Variants in MED12L observed in about 807,000 individuals in gnomAD.
MED12L encodes the protein mediator of RNA polymerase II transcription subunit 12-like protein.
A neutral mutation model predicts 281.3 loss-of-function variants in MED12L; 60 were observed. The observed-to-expected ratio is 0.21, with a 90% CI of 0.17 to 0.26. MED12L has a LOEUF of 0.26. Among genes scored for constraint, MED12L ranks in the 10% least tolerant of loss-of-function variants. The probability of loss-of-function intolerance (pLI) is 1.00; values close to 1 mark genes in which losing one functional copy is unlikely to be tolerated. For missense variants in MED12L, 2,146 were observed against 2,680.9 expected (o/e 0.80, Z 4.41); for synonymous variants, 974 against 987.2 (o/e 0.99, Z 0.25).
At chr3:151,336,694 T>TGAAATGA (rs147393729) in intron 16 of MED12L, 12,814 of 351,442 alleles carry the variant, frequency 0.036, 1,524 homozygotes, top group African/African-American at 0.25. Context: ...TTGAACTTAT[T>TGAAATGA]GAAATGAGAA....
At position 151,376,213 on chromosome 3, in the gene MED12L, A is replaced by G. The variant is rs1756832255; in HGVS notation, c.4052A>G (p.Gln1351Arg). The change falls in exon 28 of 45, where the codon CAG becomes CGG. Residue 1351 changes from glutamine to arginine, a missense_variant and splice_region_variant. By Grantham distance (43) the Gln-to-Arg change is conservative. Transcript: ENST00000687756. The part of the protein sequence containing the change: ...LQRQHIKRIL[Q>R]NLEQWTLRQS... ...AGACAGCACATTAAGCGTATTCTTC[A>G]GGTCAGTCGTATACAGATTGTGTTT... The G allele has an allele frequency of 6.4e-7, 1 of 1,570,362 alleles. No homozygotes were observed.
chr3:151,410,458 C>G (rs539422860), intron 40 of MED12L, among the ~76,000 whole-genome samples: 1 of 152,288 alleles, frequency 6.6e-6, no homozygotes, highest in South Asian at 2.1e-4. Context: ...CTCTGTCTTC[C>G]AAGTCAGAGG....
chr3:151,376,288 T>A, intron 28 of MED12L, 74 bp downstream of exon 28: 1 of 1,164,884 alleles, frequency 8.6e-7, no homozygotes, highest in Admixed American at 3.0e-5. Context: ...ACTTCCTCTC[T>A]TTTTTTGTCC....
intron 16 of MED12L, among the ~76,000 whole-genome samples, chr3:151,227,204 T>G (rs1730691166): frequency 6.6e-6 from 1 of 152,240 alleles, no homozygotes; most frequent in South Asian, 2.1e-4. Flanking sequence ...ATTGAGGAGC[T>G]GTGCTAAGTT....
At chr3:151,293,725 T>TA (rs1164610401) in intron 16 of MED12L, among the ~76,000 whole-genome samples, 2 of 151,590 alleles carry the variant, frequency 1.3e-5, no homozygotes, top group African/African-American at 4.9e-5. Flanking sequence ...AAAATAATTT[T>TA]AAAAAATCCC....
intron 39 of MED12L, among the ~76,000 whole-genome samples, chr3:151,398,825 G>A (rs563947483): frequency 1.1e-3 from 167 of 152,226 alleles, no homozygotes; most frequent in African/African-American, 3.6e-3. Flanking sequence ...TTTTTCCTAT[G>A]TATAGGTACC....
chr3:151,269,354 C>T (rs1357272671), intron 16 of MED12L: 2 of 162,720 alleles, frequency 1.2e-5, no homozygotes, highest in East Asian at 1.9e-4. Context: ...GACCTGAGAT[C>T]GTGCCATTGC....
At position 151,108,841 on chromosome 3, in the gene MED12L, T is replaced by A. The variant is rs181890394; in HGVS notation, c.100-7497T>A. 1.1e-4 allele frequency among the ~76,000 whole-genome samples: 17 copies of A among 152,220 alleles called. No homozygotes were observed. In the East Asian group the frequency reaches 3.3e-3, roughly 29 times the overall value. On this transcript the variant is annotated intron_variant, in intron 2 of 44. Coordinates refer to ENST00000687756, the MANE Select transcript of MED12L (RefSeq NM_001393769.1). ...CTGACTTTGAGATGGCCATTGAAAA[T>A]TGTGTTAAACTGAGCTTATTTTTTT...
chr3:151,229,353 G>A (rs887917721), intron 16 of MED12L, among the ~76,000 whole-genome samples: 4 of 146,918 alleles, frequency 2.7e-5, no homozygotes, highest in African/African-American at 7.6e-5. Context: ...TGTTGCTCAG[G>A]CTGGAGGGCA....
chr3:151,292,792 C>G (rs1486857247), intron 16 of MED12L, among the ~76,000 whole-genome samples: 1 of 152,126 alleles, frequency 6.6e-6, no homozygotes, highest in Non-Finnish European at 1.5e-5. Context: ...GGCTGGTCTG[C>G]TCCTCCTCTA....
At chr3:151,416,794 A>G (rs1223169883) in intron 43 of MED12L, among the ~76,000 whole-genome samples, 1 of 152,200 alleles carries the variant, frequency 6.6e-6, no homozygotes, top group Non-Finnish European at 1.5e-5. Flanking sequence ...CTCAAAAACC[A>G]TGGGCGCACT....
chr3:151,321,860 TTA>T (rs1187838910), intron 16 of MED12L, among the ~76,000 whole-genome samples: 1 of 152,208 alleles, frequency 6.6e-6, no homozygotes, highest in Non-Finnish European at 1.5e-5. Context: ...CCATTTTCTC[TTA>T]GTGTCCCCAT....
At chr3:151,112,807 A>G (rs1192854508) in intron 2 of MED12L, among the ~76,000 whole-genome samples, 1 of 152,204 alleles carries the variant, frequency 6.6e-6, no homozygotes, top group Admixed American at 6.5e-5. Context: ...TAGAAACACA[A>G]ATGAAATTAC....
intron 11 of MED12L, among the ~76,000 whole-genome samples, chr3:151,180,261 G>A (rs972507641): frequency 2.0e-5 from 3 of 152,170 alleles, no homozygotes; most frequent in Non-Finnish European, 4.4e-5. Flanking sequence ...GCAGCAGGTA[G>A]TCCACAGGAA....
chr3:151,404,597 T>A (rs1275778621), intron 39 of MED12L, among the ~76,000 whole-genome samples: 1 of 152,242 alleles, frequency 6.6e-6, no homozygotes, highest in African/African-American at 2.4e-5. Flanking sequence ...AATAAAACCC[T>A]TTCTGCTAGG....
At position 151,185,410 on chromosome 3, in the gene MED12L, C is replaced by G. The variant is rs773710827; in HGVS notation, c.1575C>G (p.Ala525=). The change falls in exon 12 of 45, where the codon GCC becomes GCG. Residue 525 remains alanine, a synonymous_variant. Coordinates refer to ENST00000687756, the MANE Select transcript of MED12L (RefSeq NM_001393769.1). ...VSCKRSGKHR[A]MAVAKLLEKR... ...GCAAACGGTCTGGCAAGCACAGGGCCATGGCTGTGGCAAAACTCCTGGAGA... is the reference window on the plus strand; with the variant it reads ...GCAAACGGTCTGGCAAGCACAGGGCGATGGCTGTGGCAAAACTCCTGGAGA... 1 of 1,613,892 alleles carries G rather than the reference C, an allele frequency of 6.2e-7. No homozygotes were observed.
chr3:151,245,885 C>G (rs1735336054), intron 16 of MED12L, among the ~76,000 whole-genome samples: 1 of 151,456 alleles, frequency 6.6e-6, no homozygotes, highest in African/African-American at 2.4e-5. Context: ...CGTTTCAGCC[C>G]AAAATCTCCT....
At chr3:151,198,365 A>G (rs1724987124) in intron 16 of MED12L, 4 of 1,198,546 alleles carry the variant, frequency 3.3e-6, no homozygotes, top group Non-Finnish European at 4.5e-6. Flanking sequence ...TTATCTTTCA[A>G]AGCTATAATT....
rs535149686 is a variant in MED12L at position 151,192,595 on chromosome 3, A to G, written c.2014A>G (p.Asn672Asp). 1.3e-6 allele frequency: 2 copies of G among 1,536,390 alleles called. No homozygotes were observed. The highest frequency in any genetic ancestry group is 1.4e-5 in the African/African-American group (1 of 73,168). Residue 672 changes from asparagine (N) to aspartate (D), a missense_variant, in exon 15 of 45, where the codon AAC becomes GAC. By Grantham distance (23) the Asn-to-Asp change is conservative. Transcript: ENST00000687756. ...AHMGIDSGTT[N>D]IFDEVDKSDF... ...TATGGGCATTGACTCAGGAACCACTAACATTTTTGATGAAGTAGACAAGAG... is the reference window on the plus strand; with the variant it reads ...TATGGGCATTGACTCAGGAACCACTGACATTTTTGATGAAGTAGACAAGAG...
Sources: allele counts gnomAD v4.1 joint callset (sites outside exome capture counted in the v4.1 genomes callset), GRCh38; gene constraint gnomAD v4.1.1; transcripts MANE v1.5; gene names NCBI Gene and HGNC (gene_info 2026-07-23, HGNC 2026-07-21).